Variants in PFKFB3 observed in about 807,000 individuals in gnomAD.
PFKFB3 encodes 6-phosphofructo-2-kinase/fructose-2,6-bisphosphatase 3.
PFKFB3 carries 33 observed loss-of-function variants against 68.0 expected under a neutral mutation model. The ratio of observed to expected loss-of-function variants is 0.49; its 90% confidence interval spans 0.37 to 0.65. PFKFB3 has a LOEUF of 0.65. PFKFB3 is among the 30% of genes least tolerant of loss of function. The probability of loss-of-function intolerance (pLI) is 0.00; values close to 1 mark genes in which losing one functional copy is unlikely to be tolerated. For synonymous variants in PFKFB3, 315 were observed against 288.2 expected (o/e 1.09, Z -0.94); for missense variants, 586 against 712.2 (o/e 0.82, Z 2.02).
chr10:6,193,335 A>T (rs201430101), intron 1 of PFKFB3, among the ~76,000 whole-genome samples: 1 of 152,246 alleles, frequency 6.6e-6, no homozygotes, highest in East Asian at 1.9e-4. Flanking sequence ...AGTCTGGGCA[A>T]CAGAGCCAGA....
In PFKFB3 at chr10:6,215,167, G is replaced by A; in HGVS notation, c.203-54G>A. On this transcript the variant is annotated intron_variant, in intron 2 of 14. Coordinates refer to ENST00000379775, the MANE Select transcript of PFKFB3 (RefSeq NM_004566.4). The surrounding 1 kb of genome is among the most constrained non-coding windows in gnomAD (Gnocchi z 4.3). ...GGTCGATCCTATGGTCCCGGTGTGA[G>A]CTGGCCCCTTCCTCCTGCTCGATCA... 6.8e-7 allele frequency: 1 copy of A among 1,466,764 alleles called. No individual in the cohort carries two copies. Among genetic ancestry groups the A allele is most frequent in the South Asian group, 1.1e-5 (1 of 87,582 alleles). 90.9% of individuals were successfully genotyped at this position (1,466,764 alleles called of 1,614,324 possible). A position where few individuals can be genotyped will look rare whatever the true frequency, so the allele number is the denominator to read the frequency against.
the PFKFB3 span, among the ~76,000 whole-genome samples, chr10:6,313,923 C>T: frequency 6.6e-6 from 1 of 152,242 alleles, no homozygotes; most frequent in Non-Finnish European, 1.5e-5. This position sits in a 1 kb window ranked among gnomAD's most constrained non-coding sequence, Gnocchi z 4.2. Flanking sequence ...CTGCCTCGCA[C>T]ACCTCAACAC....
chr10:6,272,566 G>A, the PFKFB3 span, among the ~76,000 whole-genome samples: 1 of 152,050 alleles, frequency 6.6e-6, no homozygotes, highest in East Asian at 1.9e-4. Context: ...ATGGTGGTGG[G>A]TGCCTGTAAT....
At chr10:6,231,337 C>T (rs1330918108) in intron 14 of PFKFB3, 2 of 1,612,272 alleles carry the variant, frequency 1.2e-6, no homozygotes, top group East Asian at 2.2e-5. Context: ...GTGCATGTCC[C>T]TCTGTCCCGC....
At chr10:6,162,877 G>C (rs1245074734) in intron 1 of PFKFB3, among the ~76,000 whole-genome samples, 3 of 152,154 alleles carry the variant, frequency 2.0e-5, no homozygotes, top group Non-Finnish European at 4.4e-5. Context: ...TCCTTAGAAG[G>C]CTGGATCTGG....
chr10:6,174,979 C>A (rs745656511), intron 1 of PFKFB3, among the ~76,000 whole-genome samples: 1 of 152,034 alleles, frequency 6.6e-6, no homozygotes, highest in East Asian at 1.9e-4. Flanking sequence ...CCAGGCCTGG[C>A]TAATTTTTGT....
At chr10:6,169,333 C>G (rs773028763) in intron 1 of PFKFB3, among the ~76,000 whole-genome samples, 2 of 152,116 alleles carry the variant, frequency 1.3e-5, no homozygotes, top group Non-Finnish European at 2.9e-5. Flanking sequence ...CTTAGTCTTA[C>G]GCAGGGAGGA....
intron 1 of PFKFB3, among the ~76,000 whole-genome samples, chr10:6,156,129 A>ATGTGTGTGTG (rs112267780): frequency 0.023 from 2,254 of 96,908 alleles, 26 homozygotes; most frequent in Non-Finnish European, 0.027. Flanking sequence ...GTACATATAT[A>ATGTGTGTGTG]TGTGTGTGTG....
chr10:6,214,977 A>G (rs1852170779), intron 2 of PFKFB3, among the ~76,000 whole-genome samples: 1 of 152,230 alleles, frequency 6.6e-6, no homozygotes, highest in Admixed American at 6.5e-5. Flanking sequence ...TGGAGGGGAC[A>G]GTGTCGCAGA....
At chr10:6,205,989 T>TA (rs1220586191) in intron 1 of PFKFB3, among the ~76,000 whole-genome samples, 4 of 146,644 alleles carry the variant, frequency 2.7e-5, no homozygotes, top group Non-Finnish European at 6.1e-5. Context: ...TTTTTTTTTT[T>TA]AATTGATCAT....
chr10:6,285,767 A>G, the PFKFB3 span, among the ~76,000 whole-genome samples: 1 of 152,036 alleles, frequency 6.6e-6, no homozygotes, highest in African/African-American at 2.4e-5. Flanking sequence ...TGATTCTATG[A>G]ATTTAACTAT....
intron 1 of PFKFB3, among the ~76,000 whole-genome samples, chr10:6,177,354 C>CTTTCTT (rs1301342118): frequency 1.4e-4 from 11 of 78,034 alleles, no homozygotes; most frequent in Admixed American, 4.3e-4. Flanking sequence ...CTTTTCTTTT[C>CTTTCTT]TCTTTCTTTC....
In PFKFB3 at chr10:6,222,965, C is replaced by G; in HGVS notation, c.1194C>G (p.Tyr398Ter). 6.2e-7 allele frequency: 1 copy of G among 1,613,672 alleles called. No homozygotes were observed. The highest frequency in any genetic ancestry group is 8.5e-7 in the Non-Finnish European group (1 of 1,179,772). Reference sequence around the variant, plus strand: ...CCGTCCTGCGCTGCCTGCTTGCCTACTTCCTGGATAAGAGTGCAGGTACCT... The same window carrying G: ...CCGTCCTGCGCTGCCTGCTTGCCTAGTTCCTGGATAAGAGTGCAGGTACCT... The part of the protein sequence containing the change: ...HQAVLRCLLA[Y>*]FLDKSAEEMP... The change falls in exon 11 of 15, where the codon TAC (tyrosine) becomes TAG (stop). Residue 398 changes from tyrosine to a stop codon, truncating the protein, a stop_gained. Coordinates refer to ENST00000379775, the MANE Select transcript of PFKFB3 (RefSeq NM_004566.4). LOFTEE classifies it high-confidence loss of function.
At chr10:6,274,596 C>G in the PFKFB3 span, among the ~76,000 whole-genome samples, 1 of 152,098 alleles carries the variant, frequency 6.6e-6, no homozygotes, top group African/African-American at 2.4e-5. Flanking sequence ...CCTGTAACCC[C>G]AGCACTTTGG....
chr10:6,221,796 C>A, intron 10 of PFKFB3, 51 bp downstream of exon 10: 1 of 1,252,920 alleles, frequency 8.0e-7, no homozygotes, highest in Non-Finnish European at 1.1e-6. Flanking sequence ...ATGACCACTG[C>A]TGTGCAGGGC....
intron 1 of PFKFB3, among the ~76,000 whole-genome samples, chr10:6,176,087 A>G (rs895665520): frequency 1.1e-4 from 16 of 152,228 alleles, no homozygotes; most frequent in Non-Finnish European, 1.5e-4. Context: ...CAGTGTGGAG[A>G]AGTCAAGTGT....
intron 1 of PFKFB3, among the ~76,000 whole-genome samples, chr10:6,155,645 G>C (rs997061622): frequency 2.6e-5 from 4 of 152,076 alleles, no homozygotes; most frequent in Non-Finnish European, 4.4e-5. Context: ...AGACTTCCTG[G>C]ACAGACCCCA....
chr10:6,277,634 C>A, the PFKFB3 span: 1 of 239,336 alleles, frequency 4.2e-6, no homozygotes. Flanking sequence ...CCCGCACCTC[C>A]CTCCTGCTCT....
At chr10:6,252,107 C>T (rs998394100) in intron 14 of PFKFB3, among the ~76,000 whole-genome samples, 2 of 152,242 alleles carry the variant, frequency 1.3e-5, no homozygotes, top group African/African-American at 4.8e-5. Context: ...TAACTGGCTG[C>T]AAGAACCCAC....
Sources: gnomAD v4.1 joint callset for allele counts (sites outside exome capture counted in the v4.1 genomes callset) on GRCh38, gnomAD v4.1.1 for gene constraint, Gnocchi (gnomAD v3.1) non-coding constraint, MANE v1.5 for transcripts, NCBI Gene and HGNC (gene_info 2026-07-23, HGNC 2026-07-21) for gene names.